SAMD8: variants seen among roughly 807,000 people sequenced by gnomAD.
SAMD8 encodes the protein sterile alpha motif domain containing 8, also known as sphingomyelin synthase-related protein 1.
SAMD8 carries 20 observed loss-of-function variants against 42.0 expected under a neutral mutation model. The observed-to-expected ratio is 0.48, with a 90% CI of 0.34 to 0.69. The LOEUF (loss-of-function observed/expected upper bound fraction) is 0.69, where lower values mean the gene tolerates loss of function less well. Among genes scored for constraint, SAMD8 ranks in the 30% least tolerant of loss-of-function variants. The probability of loss-of-function intolerance (pLI) is 0.01; values close to 1 mark genes in which losing one functional copy is unlikely to be tolerated. For missense variants in SAMD8, 328 were observed against 511.6 expected (o/e 0.64, Z 3.46); for synonymous variants, 162 against 173.0 (o/e 0.94, Z 0.50).
chr10:75,111,861 C>CGG (rs1848777667), intron 1 of SAMD8, 139 bp downstream of exon 1: 1 of 1,038,832 alleles, frequency 9.6e-7, no homozygotes. Context: ...TTGAGGGAAC[C>CGG]GGGATAGTCA....
At position 75,141,101 on chromosome 10, in the gene SAMD8, G is replaced by A. The variant is rs148264440; in HGVS notation, c.-15-9413G>A. Among the ~76,000 whole-genome samples the A allele has an allele frequency of 2.2e-3, 331 of 152,268 alleles. 1 individual carries two copies. Among genetic ancestry groups the A allele is most frequent in the African/African-American group, 5.7e-3 (237 of 41,542 alleles). ...GCTCACGCCTGTAATCCCACACTTT[G>A]GGAGGCTGAGGCAGGTGAATCTCCT... On this transcript the variant is annotated intron_variant, in intron 1 of 5. Transcript: ENST00000542569.
At chr10:75,159,579 G>A (rs548263869) in intron 2 of SAMD8, among the ~76,000 whole-genome samples, 18 of 152,254 alleles carry the variant, frequency 1.2e-4, no homozygotes, top group African/African-American at 3.6e-4. Context: ...ATACGTCTCC[G>A]TTGGAGGGCT....
chr10:75,171,164 T>C (rs1342045093), intron 4 of SAMD8, among the ~76,000 whole-genome samples: 1 of 116,666 alleles, frequency 8.6e-6, no homozygotes, highest in African/African-American at 3.7e-5. Context: ...CTTTTTCTTT[T>C]TTTTTTTTTT....
At chr10:75,138,266 A>G (rs1223248143) in intron 1 of SAMD8, among the ~76,000 whole-genome samples, 1 of 152,190 alleles carries the variant, frequency 6.6e-6, no homozygotes, top group Non-Finnish European at 1.5e-5. Context: ...TATCTGCCAC[A>G]GGCACTGAGT....
intron 1 of SAMD8, among the ~76,000 whole-genome samples, chr10:75,145,026 G>C (rs1840102078): frequency 6.6e-6 from 1 of 152,128 alleles, no homozygotes; most frequent in Non-Finnish European, 1.5e-5. Context: ...GTCCCATCCA[G>C]GGTATTTTTC....
intron 1 of SAMD8, among the ~76,000 whole-genome samples, chr10:75,115,273 G>A (rs1361846574): frequency 6.6e-6 from 1 of 152,182 alleles, no homozygotes; most frequent in Non-Finnish European, 1.5e-5. Context: ...ACATTGAGGG[G>A]TTAATAGTAG....
chr10:75,103,212 T>C (rs1248282389), intron 1 of SAMD8, among the ~76,000 whole-genome samples: 1 of 152,116 alleles, frequency 6.6e-6, no homozygotes, highest in Non-Finnish European at 1.5e-5. Context: ...TAGCCAAAAA[T>C]CACATGTAAA....
rs144031828 is a variant in SAMD8, at chr10:75,137,813, C to T, written c.-15-12701C>T. Reference sequence around the variant, plus strand: ...TTGGATGGTGGTAATTGTGGCACAACATTGTGAATGTATTTAAGGAAACAG... The same window carrying T: ...TTGGATGGTGGTAATTGTGGCACAATATTGTGAATGTATTTAAGGAAACAG... On this transcript the variant is annotated intron_variant, in intron 1 of 5. Coordinates refer to ENST00000542569, the MANE Select transcript of SAMD8 (RefSeq NM_001174156.2). Among the ~76,000 whole-genome samples the T allele has an allele frequency of 1.3e-3, 198 of 152,192 alleles. 1 individual carries two copies. The highest frequency in any genetic ancestry group is 4.6e-3 in the African/African-American group (190 of 41,526).
chr10:75,150,366 C>G, intron 1 of SAMD8, 148 bp from the exon 2 acceptor site: 1 of 1,340,484 alleles, frequency 7.5e-7, no homozygotes, highest in Non-Finnish European at 9.9e-7. Context: ...AAGTGATCCT[C>G]CCAACTCAGC....
chr10:75,116,847 G>A (rs10824276), intron 1 of SAMD8, among the ~76,000 whole-genome samples: 37,830 of 151,804 alleles, frequency 0.25, 5,226 homozygotes, highest in East Asian at 0.59. Context: ...GTCTCACTTC[G>A]TTGCCGAAGC....
chr10:75,115,921 A>G (rs1388586859), intron 1 of SAMD8, among the ~76,000 whole-genome samples: 2 of 150,006 alleles, frequency 1.3e-5, no homozygotes, highest in East Asian at 1.9e-4. Context: ...AGCCTGGGCA[A>G]CAGAGCGAGA....
chr10:75,176,562 A>G lies in SAMD8; in HGVS notation c.1118A>G (p.Gln373Arg). 1 of 1,550,666 alleles carries G rather than the reference A, an allele frequency of 6.4e-7. No individual in the cohort carries two copies. The highest frequency in any genetic ancestry group is 8.7e-7 in the Non-Finnish European group (1 of 1,147,002). ...ACTCTGGCCAATACCAGAGCATATC[A>G]GCAGAGTAGGAGAGCAAGGATTTGG... Reference protein sequence around the residue: ...YHTLANTRAYQQSRRARIWFP... With the variant: ...YHTLANTRAYRQSRRARIWFP... The change falls in exon 6 of 6, where the codon CAG becomes CGG. Residue 373 changes from glutamine (Q) to arginine (R), a missense_variant. By Grantham distance (43) the Gln-to-Arg change is conservative. Around this residue, in one of 2 missense-constraint regions of SAMD8, gnomAD observed 178 missense variants for 325.6 expected, o/e 0.55. Coordinates refer to ENST00000542569, the MANE Select transcript of SAMD8 (RefSeq NM_001174156.2). The surrounding 1 kb of genome is among the most constrained non-coding windows in gnomAD (Gnocchi z 4.3).
At chr10:75,144,683 GC>G (rs1467086653) in intron 1 of SAMD8, among the ~76,000 whole-genome samples, 1 of 151,580 alleles carries the variant, frequency 6.6e-6, no homozygotes, top group Non-Finnish European at 1.5e-5. Flanking sequence ...TTTGAGACAG[GC>G]TCTTGCTCTG....
rs1840273393 is a variant in SAMD8 at position 75,150,866 on chromosome 10, G to A, written c.338G>A (p.Gly113Glu). ...ALQSTDWLCNGELSHDCDGPI... is the reference protein window; with the variant it reads ...ALQSTDWLCNEELSHDCDGPI... ...CAGAGTACAGACTGGCTCTGTAATGGGGAGCTTTCCCATGACTGTGACGGA... is the reference window on the plus strand; with the variant it reads ...CAGAGTACAGACTGGCTCTGTAATGAGGAGCTTTCCCATGACTGTGACGGA... The change falls in exon 2 of 6, where the codon GGG (glycine) becomes GAG (glutamate). Residue 113 changes from glycine (G) to glutamate (E), a missense_variant. By Grantham distance (98) the Gly-to-Glu change is moderately conservative. Transcript: ENST00000542569. 6.2e-7 allele frequency: 1 copy of A among 1,613,384 alleles called. No homozygotes were observed. Among genetic ancestry groups the A allele is most frequent in the African/African-American group, 1.3e-5 (1 of 74,870 alleles).
chr10:75,106,034 T>C (rs1347422570), intron 1 of SAMD8, among the ~76,000 whole-genome samples: 1 of 152,036 alleles, frequency 6.6e-6, no homozygotes, highest in Non-Finnish European at 1.5e-5. Flanking sequence ...GTAAAATGGG[T>C]AGATCAACAC....
intron 2 of SAMD8, among the ~76,000 whole-genome samples, chr10:75,154,846 T>C (rs1427720358): frequency 1.3e-5 from 2 of 152,180 alleles, no homozygotes; most frequent in African/African-American, 4.8e-5. Context: ...TGAATTTGGA[T>C]TTGATGAATT....
At chr10:75,109,196 C>A, upstream of SAMD8, 1 of 1,504,454 alleles carries the variant, frequency 6.6e-7, no homozygotes, top group Admixed American at 2.2e-5. Context: ...GTGGTCACTC[C>A]TCTCTGCCTC....
chr10:75,101,792 A>G, intron 1 of SAMD8: 1 of 1,043,252 alleles, frequency 9.6e-7, no homozygotes, highest in South Asian at 1.2e-5. Flanking sequence ...CACAGGCACA[A>G]GTGTCCTGGC....
At chr10:75,149,894 A>G (rs539921172) in intron 1 of SAMD8, among the ~76,000 whole-genome samples, 24 of 152,014 alleles carry the variant, frequency 1.6e-4, no homozygotes, top group African/African-American at 5.8e-4. Context: ...TGGTTATTAA[A>G]TTTTCTTCTG....
Sources: allele counts gnomAD v4.1 joint callset (sites outside exome capture counted in the v4.1 genomes callset), GRCh38; gene constraint gnomAD v4.1.1; regional missense constraint gnomAD v4.1.1; non-coding constraint Gnocchi (gnomAD v3.1); transcripts MANE v1.5; gene names NCBI Gene and HGNC (gene_info 2026-07-23, HGNC 2026-07-21).